Variants in NEDD4L observed in about 807,000 individuals in gnomAD.
NEDD4L encodes E3 ubiquitin-protein ligase NEDD4-like.
In NEDD4L, 54 loss-of-function variants were observed where a neutral mutation model predicts 148.9. The ratio of observed to expected loss-of-function variants is 0.36; its 90% CI spans 0.29 to 0.45. The LOEUF (loss-of-function observed/expected upper bound fraction) is 0.45. Ranked by LOEUF, NEDD4L falls within the 20% of genes least tolerant of loss-of-function variation. The probability of loss-of-function intolerance (pLI) is 1.00; values close to 1 mark genes in which losing one functional copy is unlikely to be tolerated. For synonymous variants in NEDD4L, 433 were observed against 440.7 expected (o/e 0.98, Z 0.22); for missense variants, 856 against 1,233.8 (o/e 0.69, Z 4.59).
At chr18:58,362,773 GAAAT>G (rs1246540721) in intron 19 of NEDD4L, among the ~76,000 whole-genome samples, 4 of 152,228 alleles carry the variant, frequency 2.6e-5, no homozygotes, top group African/African-American at 9.6e-5. Context: ...CAGAAAGTGA[GAAAT>G]AAACTAGAGA....
At chr18:58,140,701 A>G (rs2146126097) in intron 1 of NEDD4L, among the ~76,000 whole-genome samples, 1 of 152,328 alleles carries the variant, frequency 6.6e-6, no homozygotes, top group East Asian at 1.9e-4. Flanking sequence ...TTTCTCTCAG[A>G]GGAGGAGTGC....
At chr18:58,201,897 T>C (rs1159282852) in intron 2 of NEDD4L, among the ~76,000 whole-genome samples, 1 of 152,196 alleles carries the variant, frequency 6.6e-6, no homozygotes, top group Non-Finnish European at 1.5e-5. Context: ...TTTTTATAAC[T>C]CTGTGCTATA....
intron 1 of NEDD4L, among the ~76,000 whole-genome samples, chr18:58,122,984 C>G (rs148156947): frequency 6.6e-6 from 1 of 152,312 alleles, no homozygotes; most frequent in African/African-American, 2.4e-5. Context: ...CCACCCACTT[C>G]AGCCCCCCAG....
rs552803839 is a variant in NEDD4L, at chr18:58,110,840, G to A, written c.49-54948G>A. 3.3e-5 allele frequency among the ~76,000 whole-genome samples: 5 copies of A among 150,212 alleles called. No homozygotes were observed. In the South Asian group the frequency reaches 6.2e-4, roughly 19 times the overall value. ...CCTGTGCATGTGTATGCCTTTGTGC[G>A]CAGGCAGACAAATATAGCTAGGACC... On this transcript the variant is annotated intron_variant, in intron 1 of 30. Coordinates refer to ENST00000400345, the MANE Select transcript of NEDD4L (RefSeq NM_001144967.3).
At chr18:58,234,198 T>C (rs758152567) in intron 2 of NEDD4L, among the ~76,000 whole-genome samples, 51 of 138,550 alleles carry the variant, frequency 3.7e-4, no homozygotes, top group East Asian at 4.6e-4. Flanking sequence ...CCTTCCCCCC[T>C]TCCTGCCTCC....
intron 1 of NEDD4L, among the ~76,000 whole-genome samples, chr18:58,145,780 G>T (rs2034039413): frequency 6.6e-6 from 1 of 152,144 alleles, no homozygotes; most frequent in African/African-American, 2.4e-5. Context: ...TTGTGCTCTA[G>T]AAATACATCA....
intron 12 of NEDD4L, 57 bp downstream of exon 12, chr18:58,333,949 A>G: frequency 1.8e-6 from 2 of 1,124,470 alleles, no homozygotes; most frequent in Non-Finnish European, 2.6e-6. Flanking sequence ...ATTTACAATC[A>G]TCTGGGCTGC....
rs79993127 is a variant in NEDD4L at position 58,237,248 on chromosome 18, T to A, written c.123-8179T>A. On this transcript the variant is annotated intron_variant, in intron 2 of 30. Transcript: ENST00000400345. ...CCCCCCACTTTGGTGCCCACCACAGTCCCTTGTGTATGGTGGATGCTCCTT... is the reference window on the plus strand; with the variant it reads ...CCCCCCACTTTGGTGCCCACCACAGACCCTTGTGTATGGTGGATGCTCCTT... Among the ~76,000 whole-genome samples the A allele has an allele frequency of 5.3e-4, 81 of 152,202 alleles. No individual in the cohort carries two copies. In the East Asian group the frequency reaches 0.012, roughly 22 times the overall value.
At chr18:58,061,170 C>T (rs1005670999) in intron 1 of NEDD4L, among the ~76,000 whole-genome samples, 3 of 152,176 alleles carry the variant, frequency 2.0e-5, no homozygotes, top group Non-Finnish European at 2.9e-5. Flanking sequence ...GCTCCCACAA[C>T]GATCATCTCG....
chr18:58,395,315 T>C (rs910200838), intron 30 of NEDD4L, among the ~76,000 whole-genome samples: 6 of 152,164 alleles, frequency 3.9e-5, no homozygotes, highest in Non-Finnish European at 5.9e-5. Flanking sequence ...ACAGTAAATG[T>C]TGAAAGGTGT....
rs533703594 is a variant in NEDD4L at position 58,177,032 on chromosome 18, T to C, written c.122+11171T>C. On this transcript the variant is annotated intron_variant, in intron 2 of 30. Coordinates refer to ENST00000400345, the MANE Select transcript of NEDD4L (RefSeq NM_001144967.3). Reference sequence around the variant, plus strand: ...ACAAAGGCACCAATAGGGCCAAAAGTATGAGGCCAGTCCTAGGGCTGGTGA... The same window carrying C: ...ACAAAGGCACCAATAGGGCCAAAAGCATGAGGCCAGTCCTAGGGCTGGTGA... 9.2e-5 allele frequency among the ~76,000 whole-genome samples: 14 copies of C among 152,020 alleles called. No individual in the cohort carries two copies. The South Asian group carries it at 1.5e-3, about 16-fold the overall frequency.
At chr18:58,275,106 G>A (rs564130560) in intron 5 of NEDD4L, among the ~76,000 whole-genome samples, 1 of 152,302 alleles carries the variant, frequency 6.6e-6, no homozygotes, top group African/African-American at 2.4e-5. Flanking sequence ...ATAGCCTACT[G>A]TTGACAGAAG....
chr18:58,177,953 TAAC>T (rs1305026909), intron 2 of NEDD4L, among the ~76,000 whole-genome samples: 1 of 152,232 alleles, frequency 6.6e-6, no homozygotes, highest in Admixed American at 6.5e-5. Context: ...AATCAGGGCC[TAAC>T]AAGCTTTTTT....
At chr18:58,345,135 A>G (rs375035655) in intron 16 of NEDD4L, among the ~76,000 whole-genome samples, 2 of 152,352 alleles carry the variant, frequency 1.3e-5, no homozygotes, top group African/African-American at 4.8e-5. Flanking sequence ...TAAAATCATA[A>G]TCTGTTAGAA....
At chr18:58,127,025 G>A (rs2145898742) in intron 1 of NEDD4L, among the ~76,000 whole-genome samples, 1 of 152,304 alleles carries the variant, frequency 6.6e-6, no homozygotes, top group South Asian at 2.1e-4. Flanking sequence ...AGGTGAGACT[G>A]GGGTGACGGC....
chr18:58,330,781 C>T lies in NEDD4L; in HGVS notation c.857C>T (p.Ser286Phe), dbSNP rs1170185787. Residue 286 changes from serine to phenylalanine, a missense_variant, in exon 11 of 31, where the codon TCT (serine) becomes TTT (phenylalanine). Ser to Phe is a radical substitution (Grantham distance 155). Around this residue, in one of 4 missense-constraint regions of NEDD4L, gnomAD observed 367 missense variants for 422.7 expected, o/e 0.87. Transcript: ENST00000400345. ...GAGGAAGTGAATATCGCTGGAGACT[C>T]TCTCGGTCTGGCTCTGCCCCCACCA... ...ISEEVNIAGD[S>F]LGLALPPPPA... 2 of 1,612,680 alleles carry T rather than the reference C, an allele frequency of 1.2e-6. No individual in the cohort carries two copies. Among genetic ancestry groups the T allele is most frequent in the East Asian group, 2.2e-5 (1 of 44,868 alleles).
chr18:58,066,114 C>T (rs757195982), intron 1 of NEDD4L, among the ~76,000 whole-genome samples: 1 of 152,166 alleles, frequency 6.6e-6, no homozygotes, highest in Non-Finnish European at 1.5e-5. Context: ...GATTTTTGTA[C>T]AGTAGAAATG....
intron 22 of NEDD4L, among the ~76,000 whole-genome samples, chr18:58,368,586 A>T (rs2046411221): frequency 6.6e-6 from 1 of 152,234 alleles, no homozygotes; most frequent in Non-Finnish European, 1.5e-5. Flanking sequence ...AGGATTTGAG[A>T]TTGACATTGC....
intron 2 of NEDD4L, among the ~76,000 whole-genome samples, chr18:58,202,109 C>T (rs1318756399): frequency 6.6e-6 from 1 of 152,200 alleles, no homozygotes; most frequent in Non-Finnish European, 1.5e-5. Flanking sequence ...CTCTAAAGCT[C>T]TGTCCTCATC....
Sources: allele counts gnomAD v4.1 joint callset (sites outside exome capture counted in the v4.1 genomes callset), GRCh38; gene constraint gnomAD v4.1.1; regional missense constraint gnomAD v4.1.1; transcripts MANE v1.5; gene names NCBI Gene and HGNC (gene_info 2026-07-23, HGNC 2026-07-21).